GRPR: variants seen among roughly 807,000 people sequenced by gnomAD.
GRPR encodes gastrin-releasing peptide receptor.
GRPR carries 4 observed loss-of-function variants against 15.6 expected under a neutral mutation model. The ratio of observed to expected loss-of-function variants is 0.26; its 90% CI spans 0.13 to 0.59. The LOEUF (loss-of-function observed/expected upper bound fraction) is 0.59, where lower values mean the gene tolerates loss of function less well. Among genes scored for constraint, GRPR ranks in the 20% least tolerant of loss-of-function variants. The probability of loss-of-function intolerance (pLI) is 0.90; values close to 1 mark genes in which losing one functional copy is unlikely to be tolerated. For synonymous variants in GRPR, 128 were observed against 126.8 expected, an observed-to-expected ratio of 1.01 and a Z score of -0.06; for missense variants, 270 against 304.1, an observed-to-expected ratio of 0.89 and a Z score of 0.83.
intron 2 of GRPR, among the ~76,000 whole-genome samples, chrX:16,151,050 G>A (rs754199222): frequency 2.7e-5 from 3 of 112,115 alleles, no homozygotes; most frequent in Non-Finnish European, 5.6e-5. Context: ...AGGCTGGAAA[G>A]TGAGGGCAGT....
intron 1 of GRPR, among the ~76,000 whole-genome samples, chrX:16,131,306 T>A (rs915259408): frequency 2.7e-5 from 3 of 111,670 alleles, no homozygotes; most frequent in Non-Finnish European, 3.8e-5. Context: ...GAAAAAAAAA[T>A]TCTCCATTTC....
chrX:16,124,892 G>T (rs1922265821), intron 1 of GRPR, among the ~76,000 whole-genome samples: 1 of 112,487 alleles, frequency 8.9e-6, no homozygotes, highest in East Asian at 2.8e-4. Flanking sequence ...AGCTGATTTT[G>T]AATTTGACTC....
At chrX:16,125,190 A>G (rs1319179036) in intron 1 of GRPR, among the ~76,000 whole-genome samples, 2 of 112,628 alleles carry the variant, frequency 1.8e-5, no homozygotes, top group African/African-American at 6.5e-5. Flanking sequence ...TTAAAACTAT[A>G]TATTCATTCT....
chrX:16,151,836 G>A (rs1248988320), intron 2 of GRPR, among the ~76,000 whole-genome samples: 1 of 112,292 alleles, frequency 8.9e-6, no homozygotes, highest in Non-Finnish European at 1.9e-5. Context: ...AGAAAAGAAA[G>A]ACATGAAGTA....
intron 1 of GRPR, among the ~76,000 whole-genome samples, chrX:16,145,670 A>G (rs1258742449): frequency 8.9e-6 from 1 of 112,398 alleles, no homozygotes; most frequent in East Asian, 2.8e-4. Context: ...TGCTTTTTAC[A>G]CTAAGGATAA....
Position 16,124,296 on chromosome X carries a change from C to T in GRPR, c.343C>T (p.Leu115=), listed in dbSNP as rs1179842849. The stretch of plus-strand genomic sequence containing the variant: ...GCTATTTGGCAGGATTGGCTGCAAA[C>T]TGATCCCCTTTATACAGCTTACCTC... ...RWLFGRIGCK[L]IPFIQLTSVG... is the part of the protein sequence containing the mutation. The change falls in exon 1 of 3, where the codon CTG becomes TTG. Residue 115 remains leucine (L), a synonymous_variant. Transcript: ENST00000380289. 8.3e-7 allele frequency: 1 copy of T among 1,210,737 alleles called. No individual in the cohort carries two copies. The highest frequency in any genetic ancestry group is 3.0e-5 in the East Asian group (1 of 33,857).
In GRPR at chrX:16,153,098, A is replaced by C. The variant is rs987140946; in HGVS notation, c.*453A>C. The C allele has an allele frequency of 1.4e-5, 2 of 143,766 alleles. No individual in the cohort carries two copies. The highest frequency in any genetic ancestry group is 2.8e-5 in the Non-Finnish European group (2 of 71,949). The allele number at this position is 143,766 out of a possible 1,213,427, so 11.8% of individuals were successfully genotyped here. On this transcript the variant is annotated 3_prime_UTR_variant, in exon 3 of 3. Transcript: ENST00000380289. ...AATATAACTTGACTCTGTTTTCAGG[A>C]ATATCTGTAATACACAAACCAAGGA...
At chrX:16,127,260 C>T (rs1199282082) in intron 1 of GRPR, among the ~76,000 whole-genome samples, 1 of 111,609 alleles carries the variant, frequency 9.0e-6, no homozygotes, top group Non-Finnish European at 1.9e-5. Flanking sequence ...TGCAGTTCCC[C>T]CCTTCACCGG....
chrX:16,125,295 A>G (rs1453592060), intron 1 of GRPR, among the ~76,000 whole-genome samples: 1 of 112,833 alleles, frequency 8.9e-6, no homozygotes, highest in East Asian at 2.8e-4. Context: ...ATTACTGAAC[A>G]TACTTTATGT....
At chrX:16,125,335 A>G (rs1437000714) in intron 1 of GRPR, among the ~76,000 whole-genome samples, 2 of 112,687 alleles carry the variant, frequency 1.8e-5, no homozygotes, top group Non-Finnish European at 3.7e-5. Flanking sequence ...TGGACATAGT[A>G]ATGAATAGAC....
intron 1 of GRPR, among the ~76,000 whole-genome samples, chrX:16,126,548 T>C (rs945325141): frequency 1.7e-4 from 19 of 111,943 alleles, no homozygotes; most frequent in Admixed American, 3.8e-4. Context: ...CAGATGGAGA[T>C]ATAGAACAGT....
intron 1 of GRPR, among the ~76,000 whole-genome samples, chrX:16,131,497 A>AT (rs1463982509): frequency 9.0e-6 from 1 of 111,610 alleles, no homozygotes; most frequent in African/African-American, 3.3e-5. Flanking sequence ...TATACAATAA[A>AT]TTTTTTACAT....
At chrX:16,138,307 T>C (rs770295099) in intron 1 of GRPR, among the ~76,000 whole-genome samples, 2 of 112,127 alleles carry the variant, frequency 1.8e-5, no homozygotes, top group South Asian at 7.5e-4. Flanking sequence ...TAGAAGGGTC[T>C]TGGACATCTG....
At chrX:16,132,639 T>C (rs780015411) in intron 1 of GRPR, among the ~76,000 whole-genome samples, 1 of 111,714 alleles carries the variant, frequency 9.0e-6, no homozygotes, top group Admixed American at 9.5e-5. Context: ...CTAGCATGGT[T>C]GATTAAAATT....
At chrX:16,125,907 C>T (rs1470752645) in intron 1 of GRPR, among the ~76,000 whole-genome samples, 3 of 111,306 alleles carry the variant, frequency 2.7e-5, no homozygotes, top group Admixed American at 9.6e-5. Context: ...TACCAATGGC[C>T]GAGGGCTCTT....
chrX:16,128,681 C>A (rs1402536289), intron 1 of GRPR, among the ~76,000 whole-genome samples: 1 of 110,691 alleles, frequency 9.0e-6, no homozygotes, highest in African/African-American at 3.3e-5. Context: ...GGATAGATGG[C>A]TGGCTAGCTG....
chrX:16,139,688 C>T (rs1254024661), intron 1 of GRPR, among the ~76,000 whole-genome samples: 3 of 111,710 alleles, frequency 2.7e-5, no homozygotes, highest in Non-Finnish European at 5.6e-5. Flanking sequence ...AAAATGGAGG[C>T]ATCAAAATCT....
intron 1 of GRPR, among the ~76,000 whole-genome samples, chrX:16,126,870 G>A (rs190380307): frequency 6.3e-5 from 7 of 111,969 alleles, no homozygotes; most frequent in Non-Finnish European, 1.3e-4. Context: ...GTTGTTTTTA[G>A]TTTGGGGATG....
chrX:16,150,703 T>C (rs771047463), intron 2 of GRPR, 47 bp downstream of exon 2: 12 of 781,960 alleles, frequency 1.5e-5, no homozygotes, highest in Non-Finnish European at 2.4e-5. Flanking sequence ...ATATAATCCC[T>C]TGCATTTCTT....
Sources: allele counts gnomAD v4.1 joint callset (sites outside exome capture counted in the v4.1 genomes callset), GRCh38; gene constraint gnomAD v4.1.1; transcripts MANE v1.5; gene names NCBI Gene and HGNC (gene_info 2026-07-23, HGNC 2026-07-21).